SLC5A4: variants seen among roughly 807,000 people sequenced by gnomAD.
SLC5A4 encodes solute carrier family 5 member 4, also known as probable glucose sensor protein SLC5A4.
Under a neutral mutation model 70.3 loss-of-function variants are expected in SLC5A4, and 55 were observed. That is an observed-to-expected ratio of 0.78 (90% CI 0.63 to 0.98). The LOEUF (loss-of-function observed/expected upper bound fraction) is 0.98, where lower values mean the gene tolerates loss of function less well. Among genes scored for constraint, SLC5A4 ranks in the 50% least tolerant of loss-of-function variants. The pLI, the probability that SLC5A4 is intolerant of heterozygous loss-of-function variation, is 0.00. For synonymous variants in SLC5A4, 268 were observed against 305.7 expected, an observed-to-expected ratio of 0.88 and a Z score of 1.29; for missense variants, 735 against 839.2, an observed-to-expected ratio of 0.88 and a Z score of 1.53.
intron 1 of SLC5A4, 65 bp downstream of exon 1, chr22:32,255,130 C>A (rs1193206525): frequency 1.7e-6 from 2 of 1,176,076 alleles, no homozygotes; most frequent in Admixed American, 1.7e-5. Context: ...CACACCCCTT[C>A]CCCCCTTAAG....
chr22:32,334,055 TCA>T, the SLC5A4 span, among the ~76,000 whole-genome samples: 2 of 141,342 alleles, frequency 1.4e-5, no homozygotes, highest in African/African-American at 5.4e-5. Flanking sequence ...TGCCACAGAC[TCA>T]CACAATATAC....
At chr22:32,310,301 C>T in the SLC5A4 span, among the ~76,000 whole-genome samples, 1 of 152,150 alleles carries the variant, frequency 6.6e-6, no homozygotes, top group Non-Finnish European at 1.5e-5. Context: ...ACCCATCTGA[C>T]TCCTTCCTCT....
rs558174640 is a variant in SLC5A4, at chr22:32,224,600, T to C, written c.1450-118A>G. ...GTTAAGGACCAACAAATGGCTAACC[T>C]TGGGCACAAGGTTACCGACATAGAG... On this transcript the variant is annotated intron_variant, in intron 12 of 14. Transcript: ENST00000266086. 69 of 776,210 alleles carry C rather than the reference T, an allele frequency of 8.9e-5. No homozygotes were observed. The African/African-American group carries it at 1.0e-3, about 12-fold the overall frequency. The allele number at this position is 776,210 out of a possible 1,614,324, so 48.1% of individuals were successfully genotyped here. A position where few individuals can be genotyped will look rare whatever the true frequency, so the allele number is the denominator to read the frequency against.
the SLC5A4 span, among the ~76,000 whole-genome samples, chr22:32,288,414 G>A: frequency 1.3e-5 from 2 of 152,144 alleles, no homozygotes; most frequent in South Asian, 2.1e-4. Flanking sequence ...CTTTCATCAT[G>A]GTGACCTTGG....
chr22:32,295,131 G>A, the SLC5A4 span, among the ~76,000 whole-genome samples: 4 of 108,244 alleles, frequency 3.7e-5, 1 homozygote, highest in African/African-American at 1.4e-4. Context: ...ACATACATGT[G>A]CATGTATCTT....
At chr22:32,300,526 G>A in the SLC5A4 span, among the ~76,000 whole-genome samples, 8 of 150,932 alleles carry the variant, frequency 5.3e-5, no homozygotes, top group South Asian at 6.4e-4. Context: ...GCTCGCACAC[G>A]GTGCGCGCAC....
At chr22:32,347,415 T>C in the SLC5A4 span, among the ~76,000 whole-genome samples, 7 of 152,284 alleles carry the variant, frequency 4.6e-5, no homozygotes, top group East Asian at 7.7e-4. Flanking sequence ...CGTATGTTTA[T>C]TGTGGCACTA....
chr22:32,303,763 C>T, the SLC5A4 span, among the ~76,000 whole-genome samples: 1 of 152,196 alleles, frequency 6.6e-6, no homozygotes, highest in Non-Finnish European at 1.5e-5. Flanking sequence ...GCTATAAACA[C>T]CCATGTGCAG....
chr22:32,327,986 T>C, the SLC5A4 span, among the ~76,000 whole-genome samples: 1 of 152,006 alleles, frequency 6.6e-6, no homozygotes, highest in African/African-American at 2.4e-5. Context: ...ATTCACAAGC[T>C]GTGTGACCTT....
At position 32,239,562 on chromosome 22, in the gene SLC5A4, ATATATATTTATATATATATT is replaced by A. The variant is rs1569374926; in HGVS notation, c.478-492_478-473del. On this transcript the variant is annotated intron_variant, in intron 5 of 14. Transcript: ENST00000266086. ...TATATATATATATATATATATATATATATATATTTATATATATATTTATATATATATAAATTATATAAAAT... is the reference window on the plus strand; with the variant it reads ...TATATATATATATATATATATATATATATATATATATAAATTATATAAAAT... 2.0e-3 allele frequency among the ~76,000 whole-genome samples: 40 copies of A among 20,502 alleles called. 2 individuals carry two copies. Among genetic ancestry groups the A allele is most frequent in the African/African-American group, 8.5e-3 (35 of 4,094 alleles). The allele number at this position is 20,502 out of a possible 152,430, so 13.5% of individuals were successfully genotyped here.
chr22:32,272,809 G>A, the SLC5A4 span: 1 of 511,176 alleles, frequency 2.0e-6, no homozygotes, highest in Admixed American at 2.3e-5. Context: ...CGCGTGGTTC[G>A]CCACCCAGGA....
chr22:32,311,104 G>C, the SLC5A4 span, among the ~76,000 whole-genome samples: 1 of 152,154 alleles, frequency 6.6e-6, no homozygotes, highest in Non-Finnish European at 1.5e-5. Flanking sequence ...TCAATCATCT[G>C]CTCAATAAGG....
the SLC5A4 span, among the ~76,000 whole-genome samples, chr22:32,303,838 G>A: frequency 3.3e-5 from 5 of 152,212 alleles, no homozygotes; most frequent in East Asian, 1.9e-4. Context: ...ATGCTGAGTC[G>A]GATGGTAAAA....
chr22:32,352,813 T>C, the SLC5A4 span, among the ~76,000 whole-genome samples: 4 of 152,336 alleles, frequency 2.6e-5, no homozygotes, highest in African/African-American at 9.6e-5. Flanking sequence ...GCCTGTGCCC[T>C]GGCGGCAGCC....
At chr22:32,283,421 A>G in the SLC5A4 span, among the ~76,000 whole-genome samples, 1 of 152,260 alleles carries the variant, frequency 6.6e-6, no homozygotes, top group Non-Finnish European at 1.5e-5. Flanking sequence ...CAGACGTGAC[A>G]CACTTTAAAG....
At chr22:32,323,625 G>A in the SLC5A4 span, among the ~76,000 whole-genome samples, 2,205 of 152,332 alleles carry the variant, frequency 0.014, 21 homozygotes, top group Non-Finnish European at 0.022. Flanking sequence ...GGGAGCCCAG[G>A]GGCTGAGGGA....
the SLC5A4 span, among the ~76,000 whole-genome samples, chr22:32,306,492 T>G: frequency 6.7e-6 from 1 of 149,570 alleles, no homozygotes; most frequent in African/African-American, 2.5e-5. Flanking sequence ...AACTACTGTA[T>G]ATAAAGACAA....
At chr22:32,330,873 C>A in the SLC5A4 span, among the ~76,000 whole-genome samples, 6 of 105,756 alleles carry the variant, frequency 5.7e-5, no homozygotes, top group Non-Finnish European at 9.1e-5. Flanking sequence ...GTTGGAGGGT[C>A]TGCTGTGTAG....
At chr22:32,286,833 A>C in the SLC5A4 span, among the ~76,000 whole-genome samples, 1 of 152,240 alleles carries the variant, frequency 6.6e-6, no homozygotes, top group African/African-American at 2.4e-5. Flanking sequence ...GAAATAGAGA[A>C]ATTCCAGAAA....
Sources: allele counts gnomAD v4.1 joint callset (sites outside exome capture counted in the v4.1 genomes callset), GRCh38; gene constraint gnomAD v4.1.1; transcripts MANE v1.5; gene names NCBI Gene and HGNC (gene_info 2026-07-23, HGNC 2026-07-21).